Variants in CRISP2 observed in about 807,000 individuals in gnomAD.
CRISP2 encodes the protein cysteine rich secretory protein 2.
A neutral mutation model predicts 31.7 loss-of-function variants in CRISP2; 29 were observed. The observed-to-expected ratio is 0.92, with a 90% CI of 0.68 to 1.25. The LOEUF is 1.25. Ranked by LOEUF, CRISP2 falls within the 50% of genes most tolerant of loss-of-function variation. The pLI is 0.00. For synonymous variants in CRISP2, 111 were observed against 101.4 expected (o/e 1.09, Z -0.57); for missense variants, 318 against 286.5 (o/e 1.11, Z -0.79).
intron 9 of CRISP2, among the ~76,000 whole-genome samples, chr6:49,693,983 T>A (rs1764323821): frequency 6.6e-6 from 1 of 152,208 alleles, no homozygotes; most frequent in Non-Finnish European, 1.5e-5. Context: ...TCCTGAATGT[T>A]CTTGAAACTT....
chr6:49,695,698 A>T (rs891247252), intron 9 of CRISP2, 138 bp downstream of exon 9: 3 of 635,150 alleles, frequency 4.7e-6, no homozygotes, highest in Admixed American at 3.1e-5. Flanking sequence ...GTTTAAGCAT[A>T]CTTTGTTGAA....
downstream of CRISP2, among the ~76,000 whole-genome samples, chr6:49,690,545 T>C (rs1370739009): frequency 6.6e-6 from 1 of 152,018 alleles, no homozygotes; most frequent in Admixed American, 6.6e-5. Context: ...AAACACAGAT[T>C]AATAGTTAAT....
chr6:49,680,455 A>G, the CRISP2 span, among the ~76,000 whole-genome samples: 1 of 152,166 alleles, frequency 6.6e-6, no homozygotes, highest in Non-Finnish European at 1.5e-5. Context: ...TAGTGCTGCA[A>G]TTAACATATA....
intron 9 of CRISP2, among the ~76,000 whole-genome samples, chr6:49,694,192 G>A (rs997669820): frequency 6.6e-6 from 1 of 152,138 alleles, no homozygotes; most frequent in South Asian, 2.1e-4. Flanking sequence ...TACGAGAAGG[G>A]TGACATGGAC....
chr6:49,710,009 C>A (rs1194226122), intron 3 of CRISP2, among the ~76,000 whole-genome samples: 1 of 152,190 alleles, frequency 6.6e-6, no homozygotes, highest in African/African-American at 2.4e-5. Flanking sequence ...GAAACACTCA[C>A]CTTTCTGTCA....
chr6:49,695,701 T>C, intron 9 of CRISP2, 135 bp downstream of exon 9: 1 of 644,522 alleles, frequency 1.6e-6, no homozygotes, highest in South Asian at 2.1e-5. Context: ...TAAGCATACT[T>C]TGTTGAATAA....
chr6:49,701,826 A>T (rs1449653076), intron 4 of CRISP2, among the ~76,000 whole-genome samples: 1 of 97,266 alleles, frequency 1.0e-5, no homozygotes, highest in Non-Finnish European at 1.9e-5. Context: ...TATATAATGT[A>T]TACATTAATA....
chr6:49,697,464 G>T (rs1318038879), intron 8 of CRISP2, among the ~76,000 whole-genome samples: 7 of 151,772 alleles, frequency 4.6e-5, no homozygotes. Flanking sequence ...AGCAGAAAGG[G>T]CCAAAATCAC....
the CRISP2 span, among the ~76,000 whole-genome samples, chr6:49,679,866 C>T: frequency 5.3e-5 from 8 of 152,098 alleles, no homozygotes; most frequent in East Asian, 1.4e-3. Context: ...CCACCATGCC[C>T]AGCTCATTTT....
chr6:49,678,167 G>C, the CRISP2 span, among the ~76,000 whole-genome samples: 2 of 152,148 alleles, frequency 1.3e-5, no homozygotes, highest in African/African-American at 4.8e-5. Context: ...AAGGTGTTCA[G>C]AAACAATTCA....
downstream of CRISP2, among the ~76,000 whole-genome samples, chr6:49,689,754 C>A (rs1329114164): frequency 6.6e-6 from 1 of 152,036 alleles, no homozygotes; most frequent in East Asian, 1.9e-4. Context: ...AATGGAGGAA[C>A]TTATCACATT....
chr6:49,703,699 A>G (rs1211595928), intron 4 of CRISP2, among the ~76,000 whole-genome samples: 1 of 152,170 alleles, frequency 6.6e-6, no homozygotes, highest in Non-Finnish European at 1.5e-5. Flanking sequence ...GTTCTGGCTT[A>G]CAGGATTTCT....
At chr6:49,681,821 C>CCCA in the CRISP2 span, among the ~76,000 whole-genome samples, 1 of 152,094 alleles carries the variant, frequency 6.6e-6, no homozygotes, top group African/African-American at 2.4e-5. Flanking sequence ...CACCACCATG[C>CCCA]CCAGCTTCAA....
chr6:49,698,363 T>C lies in CRISP2; in HGVS notation c.416A>G (p.Gln139Arg), dbSNP rs780225102. 13 of 1,612,862 alleles carry C rather than the reference T, an allele frequency of 8.1e-6. 1 individual carries two copies. The highest frequency in any genetic ancestry group is 1.3e-5 in the African/African-American group (1 of 74,954). Residue 139 changes from glutamine to arginine, a missense_variant and splice_region_variant, in exon 7 of 10, where the codon CAG (glutamine) becomes CGG (arginine). Gln to Arg is a conservative substitution (Grantham distance 43, BLOSUM62 1). Coordinates refer to ENST00000339139, the MANE Select transcript of CRISP2 (RefSeq NM_003296.4). The part of the protein sequence containing the change: ...SPNAVVGHYT[Q>R]LVWYSTYQVG... Reference sequence around the variant, plus strand: ...GGTATTTTCATGCATTCTTCTTACCTGAGTATAATGTCCAACAACTGCATT... The same window carrying C: ...GGTATTTTCATGCATTCTTCTTACCCGAGTATAATGTCCAACAACTGCATT...
At chr6:49,696,587 TA>T (rs199584784) in intron 8 of CRISP2, among the ~76,000 whole-genome samples, 34,899 of 98,088 alleles carry the variant, frequency 0.36, 4,567 homozygotes, top group Admixed American at 0.48. Context: ...GAACTTAAAG[TA>T]AAAAAAAAAA....
In CRISP2 at chr6:49,699,905, G is replaced by A. The variant is rs999123490; in HGVS notation, c.184-14C>T. 1 of 1,609,854 alleles carries A rather than the reference G, an allele frequency of 6.2e-7. No homozygotes were observed. The highest frequency in any genetic ancestry group is 8.5e-7 in the Non-Finnish European group (1 of 1,177,100). On this transcript the variant is annotated splice_polypyrimidine_tract_variant and intron_variant, in intron 5 of 9. Coordinates refer to ENST00000339139, the MANE Select transcript of CRISP2 (RefSeq NM_003296.4). ...TCTGCTCCATTCCTAAACGTCACAA[G>A]AAAACAAAATACACTTAATGATTCA... is the stretch of plus-strand genomic sequence containing the variant.
intron 8 of CRISP2, 68 bp downstream of exon 8, chr6:49,697,792 T>G (rs902738462): frequency 6.2e-7 from 1 of 1,604,126 alleles, no homozygotes; most frequent in Admixed American, 1.7e-5. Context: ...TGGTTTAAGA[T>G]ATGAGAATTA....
chr6:49,689,502 T>G (rs1403573691), downstream of CRISP2, among the ~76,000 whole-genome samples: 1 of 152,102 alleles, frequency 6.6e-6, no homozygotes. Context: ...CAAGCAGTAT[T>G]TTAAATAACT....
intron 9 of CRISP2, 41 bp downstream of exon 9, chr6:49,695,795 T>C (rs1425145528): frequency 2.3e-5 from 29 of 1,285,854 alleles, no homozygotes; most frequent in Non-Finnish European, 3.2e-5. Flanking sequence ...ATAATATCAA[T>C]TCTATAATAA....
Sources: gnomAD v4.1 joint callset for allele counts (sites outside exome capture counted in the v4.1 genomes callset) on GRCh38, gnomAD v4.1.1 for gene constraint, MANE v1.5 for transcripts, NCBI Gene and HGNC (gene_info 2026-07-23, HGNC 2026-07-21) for gene names.